The following PMM2 variants were observed in gnomAD, a reference collection of about 807,000 sequenced individuals.
PMM2 encodes the protein phosphomannomutase 2, also known as mannose-6-phosphate isomerase.
Under a neutral mutation model 33.2 loss-of-function variants are expected in PMM2, and 35 were observed. The observed-to-expected ratio is 1.06, with a 90% confidence interval of 0.81 to 1.40. PMM2 has a LOEUF of 1.40. Among genes scored for constraint, PMM2 ranks in the 40% most tolerant of loss-of-function variants. The pLI is 0.00. For missense variants in PMM2, 386 were observed against 306.0 expected, an observed-to-expected ratio of 1.26 and a Z score of -1.95; for synonymous variants, 153 against 114.7, an observed-to-expected ratio of 1.33 and a Z score of -2.13.
chr16:8,832,909 C>G (rs1042806546), intron 7 of PMM2: 5 of 985,296 alleles, frequency 5.1e-6, no homozygotes, highest in Non-Finnish European at 2.4e-6. Context: ...GCCTGGCAGC[C>G]CTTCCCTCCC....
intron 7 of PMM2, among the ~76,000 whole-genome samples, chr16:8,823,624 T>C (rs1211705290): frequency 6.6e-6 from 1 of 152,240 alleles, no homozygotes; most frequent in Non-Finnish European, 1.5e-5. Context: ...GCTGAAACTT[T>C]GTTCCATAAG....
intron 7 of PMM2, among the ~76,000 whole-genome samples, chr16:8,817,307 G>A (rs899099112): frequency 5.9e-5 from 9 of 152,222 alleles, no homozygotes; most frequent in African/African-American, 1.4e-4. Flanking sequence ...AAAGATCACC[G>A]TCTGACTTCA....
intron 1 of PMM2, 59 bp downstream of exon 1, chr16:8,798,007 G>C: frequency 6.6e-7 from 1 of 1,522,300 alleles, no homozygotes; most frequent in South Asian, 1.2e-5. Flanking sequence ...GTTCCCAGTT[G>C]GGGCTATCGA....
chr16:8,843,454 G>A (rs570023640), intron 7 of PMM2, among the ~76,000 whole-genome samples: 200 of 152,302 alleles, frequency 1.3e-3, no homozygotes, highest in Non-Finnish European at 2.3e-3. Context: ...GATTTCCAGT[G>A]GGGTCCCGCA....
chr16:8,814,961 C>T (rs2060698502), intron 7 of PMM2, among the ~76,000 whole-genome samples: 1 of 152,166 alleles, frequency 6.6e-6, no homozygotes, highest in South Asian at 2.1e-4. Context: ...TGAGACATTA[C>T]ACCCATTGAA....
intron 2 of PMM2, among the ~76,000 whole-genome samples, chr16:8,803,368 T>G (rs572004525): frequency 6.6e-6 from 1 of 152,360 alleles, no homozygotes; most frequent in South Asian, 2.1e-4. Context: ...TGATCGCCCT[T>G]TCTGCATCTA....
chr16:8,846,764 A>C (rs1390979586), intron 7 of PMM2, among the ~76,000 whole-genome samples: 1 of 152,218 alleles, frequency 6.6e-6, no homozygotes, highest in Non-Finnish European at 1.5e-5. Context: ...GAGTTGGCGC[A>C]GCCACACTGC....
intron 7 of PMM2, among the ~76,000 whole-genome samples, chr16:8,828,891 C>G (rs1310440449): frequency 6.6e-6 from 1 of 152,224 alleles, no homozygotes; most frequent in South Asian, 2.1e-4. Context: ...TGTGTGAATA[C>G]TGACTCCCCC....
chr16:8,823,791 T>C lies in PMM2; in HGVS notation c.639+10685T>C, dbSNP rs1312017968. 3.3e-5 allele frequency among the ~76,000 whole-genome samples: 5 copies of C among 152,324 alleles called. No homozygotes were observed. In the East Asian group the frequency reaches 9.6e-4, roughly 29 times the overall value. On this transcript the variant is annotated intron_variant, in intron 7 of 7. Transcript: ENST00000268261. ...GGGCCTGTCAAAAAGTGACGGTCTT[T>C]ATTTACCACAGTTCAGGAACCCCGT...
intron 7 of PMM2, among the ~76,000 whole-genome samples, chr16:8,827,848 A>ATATGTTATATATT (rs1289299089): frequency 1.4e-3 from 95 of 69,914 alleles, no homozygotes; most frequent in African/African-American, 4.6e-3. Flanking sequence ...TATAATATAT[A>ATATGTTATATATT]ATATATATGT....
chr16:8,797,897 C>A lies in PMM2; in HGVS notation c.15C>A (p.Gly5=), dbSNP rs1277297216. 18 of 1,611,334 alleles carry A rather than the reference C, an allele frequency of 1.1e-5. No individual in the cohort carries two copies. The highest frequency in any genetic ancestry group is 1.5e-5 in the Non-Finnish European group (18 of 1,179,220). The change falls in exon 1 of 8, where the codon GGC becomes GGA. Residue 5 remains glycine, a synonymous_variant. Transcript: ENST00000268261. MAAP[G]PALCLFDVDG... is the part of the protein sequence containing the mutation. ...AAACTGGGGACATGGCAGCGCCTGG[C>A]CCAGCGCTCTGCCTCTTCGACGTGG... is the stretch of plus-strand genomic sequence containing the variant.
intron 7 of PMM2, among the ~76,000 whole-genome samples, chr16:8,844,594 A>G (rs982189685): frequency 1.1e-4 from 17 of 152,340 alleles, no homozygotes; most frequent in East Asian, 5.8e-4. Flanking sequence ...GCTAAGGGTT[A>G]TGGACCAAGG....
At chr16:8,810,916 T>G in intron 4 of PMM2, 163 bp from the exon 5 acceptor site, 1 of 658,234 alleles carries the variant, frequency 1.5e-6, no homozygotes, top group Non-Finnish European at 2.8e-6. Context: ...GTCTTAATAG[T>G]CACAGTAGTT....
At chr16:8,806,630 A>G in intron 4 of PMM2, 1 of 584,950 alleles carries the variant, frequency 1.7e-6, no homozygotes, top group East Asian at 2.9e-5. Context: ...GCTGGTTCAC[A>G]GCAGGGTTCA....
Position 8,847,712 on chromosome 16 carries a change from G to T in PMM2, c.640-12G>T, listed in dbSNP as rs375325546. On this transcript the variant is annotated splice_polypyrimidine_tract_variant and intron_variant, in intron 7 of 7. Coordinates refer to ENST00000268261, the MANE Select transcript of PMM2 (RefSeq NM_000303.3). ...GAGGGGGAGCCTTCATCTGTACTTC[G>T]TGTCTTTCCAGGGTGGCAATGACCA... is the stretch of plus-strand genomic sequence containing the variant. The T allele has an allele frequency of 1.9e-6, 3 of 1,599,600 alleles. No individual in the cohort carries two copies. The highest frequency in any genetic ancestry group is 2.6e-6 in the Non-Finnish European group (3 of 1,166,978).
intron 4 of PMM2, chr16:8,809,789 GT>G (rs1252388280): frequency 9.2e-6 from 1 of 108,110 alleles, no homozygotes; most frequent in Non-Finnish European, 2.3e-5. Flanking sequence ...AAAACTCTTT[GT>G]TTTTTGTTTT....
intron 7 of PMM2, among the ~76,000 whole-genome samples, chr16:8,836,434 T>C (rs28850393): frequency 0.25 from 37,793 of 151,858 alleles, 4,980 homozygotes; most frequent in South Asian, 0.34. Context: ...TCCCGGGCTG[T>C]GGGCATTCCT....
chr16:8,801,510 AAT>A (rs1168089157), intron 1 of PMM2, among the ~76,000 whole-genome samples: 1 of 152,132 alleles, frequency 6.6e-6, no homozygotes. Flanking sequence ...GTCTCTACAA[AAT>A]ATAAAAAAAT....
chr16:8,828,298 C>A (rs1459980644), intron 7 of PMM2, among the ~76,000 whole-genome samples: 2 of 151,888 alleles, frequency 1.3e-5, no homozygotes, highest in African/African-American at 4.8e-5. Flanking sequence ...GATTTCAAGG[C>A]AAGCTGTCCA....
Sources: gnomAD v4.1 joint callset for allele counts (sites outside exome capture counted in the v4.1 genomes callset) on GRCh38, gnomAD v4.1.1 for gene constraint, MANE v1.5 for transcripts, NCBI Gene and HGNC (gene_info 2026-07-23, HGNC 2026-07-21) for gene names.